Variants in FAM13A observed in about 807,000 individuals in gnomAD.
FAM13A encodes family with sequence similarity 13 member A.
A neutral mutation model predicts 129.6 loss-of-function variants in FAM13A; 76 were observed. The ratio of observed to expected loss-of-function variants is 0.59; its 90% CI spans 0.49 to 0.71. FAM13A has a LOEUF of 0.71. Among genes scored for constraint, FAM13A ranks in the 30% least tolerant of loss-of-function variants. The probability of loss-of-function intolerance (pLI) is 0.00; values close to 1 mark genes in which losing one functional copy is unlikely to be tolerated. For synonymous variants in FAM13A, 443 were observed against 449.9 expected (o/e 0.98, Z 0.20); for missense variants, 1,108 against 1,249.3 (o/e 0.89, Z 1.70).
At chr4:88,795,364 TAA>T (rs1467197358) in intron 8 of FAM13A, among the ~76,000 whole-genome samples, 1 of 151,854 alleles carries the variant, frequency 6.6e-6, no homozygotes, top group Non-Finnish European at 1.5e-5. Flanking sequence ...AAATTTATTC[TAA>T]CAAATCAAAT....
chr4:88,961,431 G>T (rs897181149), intron 4 of FAM13A, among the ~76,000 whole-genome samples: 5 of 119,308 alleles, frequency 4.2e-5, no homozygotes, highest in African/African-American at 1.3e-4. Context: ...GCAATGGCAT[G>T]ATCTCAGTTC....
chr4:88,772,058 A>G (rs1720782726), intron 11 of FAM13A, among the ~76,000 whole-genome samples: 1 of 152,206 alleles, frequency 6.6e-6, no homozygotes, highest in South Asian at 2.1e-4. Flanking sequence ...CCCTTGGAAC[A>G]AAAACAAATT....
At chr4:88,863,097 T>C (rs1739776693) in intron 6 of FAM13A, among the ~76,000 whole-genome samples, 1 of 151,982 alleles carries the variant, frequency 6.6e-6, no homozygotes, top group African/African-American at 2.4e-5. Context: ...TTTTGCATAT[T>C]AATGAGATGA....
rs565503216 is a variant in FAM13A at position 88,737,469 on chromosome 4, C to T, written c.2646+3G>A. On this transcript the variant is annotated splice_donor_region_variant and intron_variant, in intron 21 of 23. Coordinates refer to ENST00000264344, the MANE Select transcript of FAM13A (RefSeq NM_014883.4). ...GCAATGGGTTAGCAGCTGGGGTCTT[C>T]ACCTTTATCTCCTTGAAGAAGGAAG... 6.2e-7 allele frequency: 1 copy of T among 1,613,558 alleles called. No individual in the cohort carries two copies. Among genetic ancestry groups the T allele is most frequent in the Admixed American group, 1.7e-5 (1 of 60,022 alleles).
intron 6 of FAM13A, among the ~76,000 whole-genome samples, chr4:88,857,280 T>C (rs1440039042): frequency 2.0e-5 from 3 of 152,146 alleles, no homozygotes; most frequent in African/African-American, 7.2e-5. Context: ...CAATTTAACT[T>C]TGTTAGAAAA....
chr4:88,774,000 C>T (rs1037639567), intron 11 of FAM13A, among the ~76,000 whole-genome samples: 2 of 152,090 alleles, frequency 1.3e-5, no homozygotes, highest in African/African-American at 4.8e-5. Context: ...TGATCAGGAC[C>T]TCTGCTACAT....
intron 6 of FAM13A, among the ~76,000 whole-genome samples, chr4:88,874,577 T>G (rs896767720): frequency 6.6e-6 from 1 of 152,146 alleles, no homozygotes; most frequent in Non-Finnish European, 1.5e-5. Flanking sequence ...GGAATCCAAC[T>G]GACAAGGGAC....
At chr4:88,801,625 G>A (rs1727471915) in intron 8 of FAM13A, among the ~76,000 whole-genome samples, 1 of 152,202 alleles carries the variant, frequency 6.6e-6, no homozygotes, top group Admixed American at 6.5e-5. Flanking sequence ...GAGTTATTTA[G>A]AGCCCAATGA....
At chr4:88,930,654 G>A (rs1579334989) in intron 5 of FAM13A, among the ~76,000 whole-genome samples, 1 of 152,218 alleles carries the variant, frequency 6.6e-6, no homozygotes, top group East Asian at 1.9e-4. Context: ...GGTCCTGGAG[G>A]GCTGATTCTT....
intron 23 of FAM13A, chr4:88,729,607 G>C (rs1189446274): frequency 1.3e-5 from 2 of 152,190 alleles, no homozygotes; most frequent in East Asian, 1.9e-4. Context: ...TCAGGAATTG[G>C]AGCATCTGGC....
In FAM13A at chr4:88,877,437, T is replaced by C. The variant is rs113614542; in HGVS notation, c.844-26254A>G. 9.0e-3 allele frequency among the ~76,000 whole-genome samples: 1,369 copies of C among 152,314 alleles called. 25 individuals carry two copies. Among genetic ancestry groups the C allele is most frequent in the African/African-American group, 0.031 (1,283 of 41,564 alleles). Reference sequence around the variant, plus strand: ...TACAGCAGTCTGGGAATGACCATCATTATTATTATGAAGCCTGAATTATTG... The same window carrying C: ...TACAGCAGTCTGGGAATGACCATCACTATTATTATGAAGCCTGAATTATTG... On this transcript the variant is annotated intron_variant, in intron 6 of 23. Coordinates refer to ENST00000264344, the MANE Select transcript of FAM13A (RefSeq NM_014883.4).
Position 88,914,023 on chromosome 4 carries a change from A to C in FAM13A, c.760-7561T>G, listed in dbSNP as rs542660932. On this transcript the variant is annotated intron_variant, in intron 5 of 23. Transcript: ENST00000264344. Reference sequence around the variant, plus strand: ...GTCTCAAAAAAAAAAGAAAAAAAAAAAACTGTCAGTCTTTGAGTCTTCCTT... The same window carrying C: ...GTCTCAAAAAAAAAAGAAAAAAAAACAACTGTCAGTCTTTGAGTCTTCCTT... Among the ~76,000 whole-genome samples the C allele has an allele frequency of 5.0e-4, 76 of 152,230 alleles. No homozygotes were observed. In the Middle Eastern group the frequency reaches 0.017, roughly 34 times the overall value.
intron 2 of FAM13A, among the ~76,000 whole-genome samples, chr4:89,023,529 G>C (rs2149115168): frequency 6.6e-6 from 1 of 151,266 alleles, no homozygotes; most frequent in East Asian, 1.9e-4. Context: ...AGCAATTTCA[G>C]AAAAAAATAC....
intron 4 of FAM13A, among the ~76,000 whole-genome samples, chr4:88,947,927 C>T (rs2869966): frequency 0.46 from 70,495 of 151,858 alleles, 16,893 homozygotes; most frequent in African/African-American, 0.6. Flanking sequence ...TACAGACATA[C>T]ATTATACATA....
At chr4:88,860,904 A>G (rs1161371661) in intron 6 of FAM13A, among the ~76,000 whole-genome samples, 1 of 152,182 alleles carries the variant, frequency 6.6e-6, no homozygotes, top group African/African-American at 2.4e-5. Context: ...GTTATTTTAC[A>G]AAATGTGCAT....
At chr4:88,819,556 T>C (rs1731481929) in intron 7 of FAM13A, among the ~76,000 whole-genome samples, 1 of 152,164 alleles carries the variant, frequency 6.6e-6, no homozygotes. Context: ...CAATGAAATA[T>C]GAATTGTACA....
At chr4:88,901,664 T>TA (rs1400117712) in intron 6 of FAM13A, among the ~76,000 whole-genome samples, 1 of 151,884 alleles carries the variant, frequency 6.6e-6, no homozygotes, top group Non-Finnish European at 1.5e-5. Flanking sequence ...TTTATAGCAC[T>TA]AAATGCCTAA....
intron 1 of FAM13A, among the ~76,000 whole-genome samples, chr4:89,056,087 TA>T (rs1772170262): frequency 6.6e-6 from 1 of 152,194 alleles, no homozygotes; most frequent in African/African-American, 2.4e-5. Context: ...AGGAAGAAGA[TA>T]TTTCTCATTT....
At chr4:88,964,288 C>T (rs1032744052) in intron 4 of FAM13A, among the ~76,000 whole-genome samples, 5 of 152,118 alleles carry the variant, frequency 3.3e-5, no homozygotes, top group Non-Finnish European at 7.4e-5. Flanking sequence ...TGGGTAAGGG[C>T]AAGATAGCCT....
Sources: allele counts gnomAD v4.1 joint callset (sites outside exome capture counted in the v4.1 genomes callset), GRCh38; gene constraint gnomAD v4.1.1; transcripts MANE v1.5; gene names NCBI Gene and HGNC (gene_info 2026-07-23, HGNC 2026-07-21).